RNF130: variants seen among roughly 807,000 people sequenced by gnomAD.
RNF130 encodes E3 ubiquitin-protein ligase RNF130.
A neutral mutation model predicts 44.6 loss-of-function variants in RNF130; 21 were observed. The observed-to-expected ratio is 0.47, with a 90% CI of 0.33 to 0.68. RNF130 has a LOEUF of 0.68. Ranked by LOEUF, RNF130 falls within the 30% of genes least tolerant of loss-of-function variation. The pLI, the probability that RNF130 is intolerant of heterozygous loss-of-function variation, is 0.02. For synonymous variants in RNF130, 214 were observed against 210.4 expected (o/e 1.02, Z -0.15); for missense variants, 479 against 560.6 (o/e 0.85, Z 1.47).
intron 7 of RNF130, among the ~76,000 whole-genome samples, chr5:179,946,177 C>A (rs557936888): frequency 6.6e-5 from 10 of 152,176 alleles, no homozygotes; most frequent in Admixed American, 1.3e-4. Flanking sequence ...GACCAAAGGC[C>A]CATGCTGGAA....
intron 3 of RNF130, among the ~76,000 whole-genome samples, chr5:179,999,941 C>T (rs139596086): frequency 1.1e-3 from 174 of 152,180 alleles, no homozygotes; most frequent in Non-Finnish European, 2.1e-3. Context: ...TTGTTCTCTC[C>T]TATTGTTTAT....
intron 1 of RNF130, among the ~76,000 whole-genome samples, chr5:180,056,030 G>A (rs925246254): frequency 5.3e-5 from 8 of 152,092 alleles, no homozygotes; most frequent in Non-Finnish European, 1.0e-4. Flanking sequence ...GTTGCAGTGA[G>A]CTGAGATGGT....
intron 2 of RNF130, among the ~76,000 whole-genome samples, chr5:180,035,301 T>C (rs144332547): frequency 7.2e-5 from 11 of 152,370 alleles, no homozygotes; most frequent in Admixed American, 1.3e-4. Context: ...TATTTAGATG[T>C]GTGCTGCTTA....
intron 2 of RNF130, among the ~76,000 whole-genome samples, chr5:180,036,329 T>C (rs929924041): frequency 1.3e-5 from 2 of 152,220 alleles, no homozygotes; most frequent in African/African-American, 2.4e-5. Context: ...ACTGGTTTCC[T>C]AGGAACTGCC....
chr5:179,973,043 C>G (rs1358964507), intron 5 of RNF130, among the ~76,000 whole-genome samples: 1 of 152,134 alleles, frequency 6.6e-6, no homozygotes, highest in Non-Finnish European at 1.5e-5. Flanking sequence ...AAATGAAAAT[C>G]TGAAATATTT....
At chr5:180,069,350 G>C (rs1468021560) in intron 1 of RNF130, among the ~76,000 whole-genome samples, 1 of 152,114 alleles carries the variant, frequency 6.6e-6, no homozygotes, top group East Asian at 1.9e-4. Flanking sequence ...GAAAAACTGC[G>C]TATGTGTGAA....
intron 5 of RNF130, 131 bp from the exon 6 acceptor site, chr5:179,970,637 C>A: frequency 1.5e-6 from 1 of 662,538 alleles, no homozygotes; most frequent in Non-Finnish European, 2.6e-6. Context: ...CCCCAAGAGA[C>A]AAATATTGGG....
Position 179,971,729 on chromosome 5 carries a change from TTTGA to T in RNF130, c.849-1227_849-1224del, listed in dbSNP as rs1410414147. Among the ~76,000 whole-genome samples the T allele has an allele frequency of 2.0e-5, 3 of 152,344 alleles. No homozygotes were observed. The South Asian group carries it at 6.2e-4, about 32-fold the overall frequency. On this transcript the variant is annotated intron_variant, in intron 5 of 8. Coordinates refer to ENST00000521389, the MANE Select transcript of RNF130 (RefSeq NM_018434.6). ...GAATCATGGTATATACCTTTACAAC[TTTGA>T]TTGTCAATTTCTAAGTTAATGTTAT...
Position 179,961,531 on chromosome 5 carries a change from G to A in RNF130, c.1244+1940C>T, listed in dbSNP as rs938466380. The stretch of plus-strand genomic sequence containing the variant: ...CTGAGCACTCTCATTTTAATCTGAT[G>A]CATGAACTGAACATCAGACAGATTC... On this transcript the variant is annotated intron_variant, in intron 8 of 8. Coordinates refer to ENST00000521389, the MANE Select transcript of RNF130 (RefSeq NM_018434.6). Among the ~76,000 whole-genome samples, 169 of 152,176 alleles carry A rather than the reference G, an allele frequency of 1.1e-3. 2 individuals carry two copies. The highest frequency in any genetic ancestry group is 0.011 in the Admixed American group (168 of 15,274).
chr5:179,933,696 T>C (rs1761845025), intron 7 of RNF130: 1 of 322,162 alleles, frequency 3.1e-6, no homozygotes, highest in Non-Finnish European at 5.9e-6. Context: ...TAATTTTTTC[T>C]ACTTTTTGTA....
At chr5:180,008,746 C>T (rs534443646) in intron 3 of RNF130, among the ~76,000 whole-genome samples, 2 of 152,016 alleles carry the variant, frequency 1.3e-5, no homozygotes, top group African/African-American at 2.4e-5. Context: ...TAGCCGGACA[C>T]GGTGGCATGC....
chr5:180,029,390 T>C (rs976924522), intron 2 of RNF130, among the ~76,000 whole-genome samples: 6 of 151,964 alleles, frequency 3.9e-5, no homozygotes, highest in Admixed American at 2.6e-4. Context: ...AAACCAAGAA[T>C]TTATTCTGTC....
chr5:179,981,066 G>A (rs1234858754), intron 3 of RNF130, among the ~76,000 whole-genome samples: 1 of 152,158 alleles, frequency 6.6e-6, no homozygotes, highest in Non-Finnish European at 1.5e-5. Context: ...ACTGGGAAGG[G>A]GTTAGATGGG....
chr5:180,024,724 T>C (rs1186923446), intron 2 of RNF130, among the ~76,000 whole-genome samples: 1 of 152,060 alleles, frequency 6.6e-6, no homozygotes, highest in Admixed American at 6.6e-5. Context: ...CAGAAAGAAA[T>C]AAAGAACAGC....
chr5:179,939,270 T>C (rs1227619004), intron 7 of RNF130, among the ~76,000 whole-genome samples: 5 of 118,370 alleles, frequency 4.2e-5, no homozygotes, highest in African/African-American at 1.6e-4. Flanking sequence ...TAACAACTTT[T>C]AAGACAGAAA....
intron 5 of RNF130, among the ~76,000 whole-genome samples, chr5:179,975,373 C>A (rs1762696016): frequency 6.6e-6 from 1 of 152,182 alleles, no homozygotes; most frequent in South Asian, 2.1e-4. Context: ...GCGCTACTGA[C>A]ACCTAGTGGG....
chr5:179,924,222 G>A (rs966439147), intron 7 of RNF130, among the ~76,000 whole-genome samples: 2 of 152,146 alleles, frequency 1.3e-5, no homozygotes, highest in East Asian at 1.9e-4. Context: ...ACTGCTGGGC[G>A]TGGTGGCTCA....
chr5:179,979,795 C>G (rs939655914), intron 4 of RNF130, among the ~76,000 whole-genome samples: 5 of 152,208 alleles, frequency 3.3e-5, no homozygotes, highest in African/African-American at 1.2e-4. Context: ...GTCTTCAACT[C>G]TCCATGTATC....
At chr5:179,946,836 C>A (rs567927731) in intron 7 of RNF130, among the ~76,000 whole-genome samples, 1 of 152,148 alleles carries the variant, frequency 6.6e-6, no homozygotes, top group African/African-American at 2.4e-5. Context: ...TTACAGACGT[C>A]AGCCACCGCG....
Sources: gnomAD v4.1 joint callset for allele counts (sites outside exome capture counted in the v4.1 genomes callset) on GRCh38, gnomAD v4.1.1 for gene constraint, MANE v1.5 for transcripts, NCBI Gene and HGNC (gene_info 2026-07-23, HGNC 2026-07-21) for gene names.